The following CCDC144A variants were observed in gnomAD, a reference collection of about 807,000 sequenced individuals.
CCDC144A encodes coiled-coil domain-containing protein 144A.
A neutral mutation model predicts 143.8 loss-of-function variants in CCDC144A; 41 were observed. That is an observed-to-expected ratio of 0.29 (90% CI 0.22 to 0.37). CCDC144A has a LOEUF of 0.37. CCDC144A is among the 10% of genes least tolerant of loss of function. The probability of loss-of-function intolerance (pLI) is 1.00; values close to 1 mark genes in which losing one functional copy is unlikely to be tolerated. For synonymous variants in CCDC144A, 242 were observed against 517.9 expected, an observed-to-expected ratio of 0.47 and a Z score of 7.23; for missense variants, 637 against 1,488.8, an observed-to-expected ratio of 0.43 and a Z score of 9.41.
the CCDC144A span, among the ~76,000 whole-genome samples, chr17:16,678,585 C>CTTTTT: frequency 1.5e-5 from 2 of 136,854 alleles, no homozygotes; most frequent in Admixed American, 7.4e-5. Context: ...TTTTTCTTTT[C>CTTTTT]TTTTTTTTTT....
At chr17:16,703,843 G>A (rs901957268) in intron 2 of CCDC144A, among the ~76,000 whole-genome samples, 3 of 152,038 alleles carry the variant, frequency 2.0e-5, no homozygotes, top group Non-Finnish European at 4.4e-5. Flanking sequence ...AGCACGCACA[G>A]CCATACATTC....
the CCDC144A span, among the ~76,000 whole-genome samples, chr17:16,680,916 G>T: frequency 6.6e-6 from 1 of 152,024 alleles, no homozygotes. Context: ...ATACTTGAAT[G>T]AATTTATGAG....
intron 12 of CCDC144A, among the ~76,000 whole-genome samples, chr17:16,756,802 T>C (rs933473035): frequency 1.3e-4 from 19 of 151,868 alleles, no homozygotes; most frequent in African/African-American, 4.6e-4. Context: ...GTATCTATGT[T>C]GTTGGTTGAA....
chr17:16,671,526 A>G, the CCDC144A span, among the ~76,000 whole-genome samples: 3 of 152,042 alleles, frequency 2.0e-5, no homozygotes, highest in Non-Finnish European at 2.9e-5. Flanking sequence ...TAAATGTACC[A>G]TTTAATCATT....
chr17:16,667,513 C>G, the CCDC144A span, among the ~76,000 whole-genome samples: 478 of 152,246 alleles, frequency 3.1e-3, 6 homozygotes, highest in African/African-American at 0.011. Flanking sequence ...GGCAGCGTGC[C>G]GGGTCCCTGC....
At chr17:16,668,431 T>C in the CCDC144A span, among the ~76,000 whole-genome samples, 1 of 152,366 alleles carries the variant, frequency 6.6e-6, no homozygotes, top group African/African-American at 2.4e-5. Context: ...TATAATTTAT[T>C]CATTTATGAC....
chr17:16,686,157 G>A (rs867724275), upstream of CCDC144A, among the ~76,000 whole-genome samples: 3 of 147,696 alleles, frequency 2.0e-5, no homozygotes, highest in South Asian at 2.1e-4. Context: ...TGCCAGTGGC[G>A]CGATTTCAGC....
At position 16,711,563 on chromosome 17, in the gene CCDC144A, A is replaced by G. The variant is rs1597547131; in HGVS notation, c.1579-116A>G. 2.0e-6 allele frequency: 3 copies of G among 1,510,628 alleles called. No individual in the cohort carries two copies. In the East Asian group the frequency reaches 6.9e-5, roughly 35 times the overall value. The allele number at this position is 1,510,628 out of a possible 1,614,324, so 93.6% of individuals were successfully genotyped here. A position where few individuals can be genotyped will look rare whatever the true frequency, so the allele number is the denominator to read the frequency against. ...AAAGTAAGCACCAAATATTTTAATG[A>G]CTGAAATTATAATTAAACTGAGTCA... On this transcript the variant is annotated intron_variant, in intron 5 of 16. Transcript: ENST00000399273.
chr17:16,715,906 A>G (rs967266964), intron 6 of CCDC144A, among the ~76,000 whole-genome samples: 5 of 152,212 alleles, frequency 3.3e-5, no homozygotes, highest in Non-Finnish European at 5.9e-5. Flanking sequence ...CTGTCTTTCC[A>G]AAGCAAGTGG....
the CCDC144A span, among the ~76,000 whole-genome samples, chr17:16,679,217 G>A: frequency 6.6e-6 from 1 of 152,026 alleles, no homozygotes; most frequent in South Asian, 2.1e-4. Context: ...GGCCTAGAAG[G>A]ATGTTTTTGC....
chr17:16,686,603 C>T (rs1313802129), upstream of CCDC144A, among the ~76,000 whole-genome samples: 5 of 151,152 alleles, frequency 3.3e-5, 1 homozygote, highest in South Asian at 4.2e-4. Flanking sequence ...CCCAGGAGTT[C>T]GGGACCAGCC....
chr17:16,762,827 C>T (rs1472920160), intron 14 of CCDC144A, among the ~76,000 whole-genome samples: 1 of 151,694 alleles, frequency 6.6e-6, no homozygotes, highest in Non-Finnish European at 1.5e-5. Context: ...TATAGTTAAC[C>T]TGATCTATTA....
chr17:16,756,473 A>G (rs1379798315), intron 12 of CCDC144A, among the ~76,000 whole-genome samples: 1 of 150,182 alleles, frequency 6.7e-6, no homozygotes, highest in Non-Finnish European at 1.5e-5. Context: ...TTTTAATGCT[A>G]TCTTTTTCAT....
chr17:16,744,692 A>C (rs1914412211), intron 12 of CCDC144A, among the ~76,000 whole-genome samples: 1 of 151,092 alleles, frequency 6.6e-6, no homozygotes, highest in Admixed American at 6.6e-5. Context: ...TTTCCTATGC[A>C]GAAGCTCCTT....
chr17:16,682,704 C>CTG, the CCDC144A span, among the ~76,000 whole-genome samples: 1 of 151,912 alleles, frequency 6.6e-6, no homozygotes, highest in Admixed American at 6.6e-5. Context: ...GACAGATCAC[C>CTG]TGTGTCAAAT....
At chr17:16,700,280 A>G (rs532332684) in intron 2 of CCDC144A, among the ~76,000 whole-genome samples, 3 of 152,328 alleles carry the variant, frequency 2.0e-5, no homozygotes, top group South Asian at 4.1e-4. Context: ...AATTTTGATG[A>G]CACATGTGCA....
In CCDC144A at chr17:16,777,783, C is replaced by CTAAG. The variant is rs2143434379; in HGVS notation, c.*4151_*4154dup. On this transcript the variant is annotated 3_prime_UTR_variant, in exon 17 of 17. Coordinates refer to ENST00000399273, the MANE Select transcript of CCDC144A (RefSeq NM_001382000.1). ...GTCTGAAAGAGCACAAATAAACAAT[C>CTAAG]TAAGGTCACACCTCACAGAATTGGA... is the stretch of plus-strand genomic sequence containing the variant. 7.1e-6 allele frequency: 1 copy of CTAAG among 140,950 alleles called. No homozygotes were observed. The highest frequency in any genetic ancestry group is 1.5e-5 in the Non-Finnish European group (1 of 66,648). 8.7% of individuals were successfully genotyped at this position (140,950 alleles called of 1,614,324 possible). A position where few individuals can be genotyped will look rare whatever the true frequency, so the allele number is the denominator to read the frequency against.
chr17:16,771,200 A>C (rs1467360520), intron 15 of CCDC144A, among the ~76,000 whole-genome samples: 1 of 152,242 alleles, frequency 6.6e-6, no homozygotes, highest in African/African-American at 2.4e-5. Flanking sequence ...GATAACTATA[A>C]CTTGTCAGAT....
At chr17:16,686,785 C>A (rs1301077080), upstream of CCDC144A, among the ~76,000 whole-genome samples, 2 of 139,010 alleles carry the variant, frequency 1.4e-5, no homozygotes, top group African/African-American at 2.8e-5. Context: ...CACACACACA[C>A]AAAGAAAAGA....
Sources: allele counts gnomAD v4.1 joint callset (sites outside exome capture counted in the v4.1 genomes callset), GRCh38; gene constraint gnomAD v4.1.1; transcripts MANE v1.5; gene names NCBI Gene and HGNC (gene_info 2026-07-23, HGNC 2026-07-21).